Variants in PCNT observed in about 807,000 individuals in gnomAD.
PCNT encodes the protein kendrin.
A neutral mutation model predicts 380.4 loss-of-function variants in PCNT; 319 were observed. The observed-to-expected ratio is 0.84, with a 90% CI of 0.77 to 0.92. The LOEUF (loss-of-function observed/expected upper bound fraction) is 0.92. PCNT is among the 40% of genes least tolerant of loss of function. The pLI is 0.00. For synonymous variants in PCNT, 1,845 were observed against 1,735.2 expected (o/e 1.06, Z -1.57); for missense variants, 4,400 against 4,255.3 (o/e 1.03, Z -0.95).
At chr21:46,341,551 G>C (rs774573822) in intron 3 of PCNT, among the ~76,000 whole-genome samples, 20 of 151,646 alleles carry the variant, frequency 1.3e-4, no homozygotes, top group Non-Finnish European at 2.4e-4. Flanking sequence ...TTTTTTTGTA[G>C]AGATGGGATC....
At chr21:46,401,775 G>T in intron 26 of PCNT, 54 bp downstream of exon 26, 2 of 1,560,178 alleles carry the variant, frequency 1.3e-6, no homozygotes, top group South Asian at 2.2e-5. Context: ...TGTCCAGTGG[G>T]CTTCTCTGTG....
rs767028727 is a variant in PCNT, at chr21:46,412,818, C to T, written c.5995-19C>T. 1.2e-6 allele frequency: 2 copies of T among 1,608,942 alleles called. No individual in the cohort carries two copies. Among genetic ancestry groups the T allele is most frequent in the Non-Finnish European group, 8.5e-7 (1 of 1,179,836 alleles). On this transcript the variant is annotated intron_variant, in intron 28 of 46. Transcript: ENST00000359568. Reference sequence around the variant, plus strand: ...ACAGCCTCCTGCATGCTCAGCTTTCCTCTGTCTCCTCTGTCAAGGGTGATC... The same window carrying T: ...ACAGCCTCCTGCATGCTCAGCTTTCTTCTGTCTCCTCTGTCAAGGGTGATC...
intron 35 of PCNT, 101 bp from the exon 36 acceptor site, chr21:46,429,909 A>C: frequency 1.1e-6 from 1 of 881,668 alleles, no homozygotes; most frequent in Non-Finnish European, 1.8e-6. Flanking sequence ...TTCCCGAAGC[A>C]CATACACCTC....
At chr21:46,393,748 G>A (rs936440173) in intron 21 of PCNT, among the ~76,000 whole-genome samples, 1 of 152,206 alleles carries the variant, frequency 6.6e-6, no homozygotes, top group East Asian at 1.9e-4. Context: ...TCTGAGCACT[G>A]CAGGGCTTCT....
In PCNT at chr21:46,444,831, G is replaced by C. The variant is rs776101754; in HGVS notation, c.9967+10G>C. The stretch of plus-strand genomic sequence containing the variant: ...GGAGGGGTACTACCAGGTAATGCAA[G>C]TCCTCGCCGAGTATTTATTAAGCTG... On this transcript the variant is annotated intron_variant, in intron 46 of 46. Coordinates refer to ENST00000359568, the MANE Select transcript of PCNT (RefSeq NM_006031.6). The C allele has an allele frequency of 1.2e-6, 2 of 1,612,420 alleles. No individual in the cohort carries two copies.
chr21:46,325,041 C>G (rs957274085), intron 1 of PCNT: 56 of 985,418 alleles, frequency 5.7e-5, no homozygotes, highest in South Asian at 1.9e-4. Context: ...AAGGGACGCG[C>G]TCCCGTCTTT....
chr21:46,411,661 T>C lies in PCNT; in HGVS notation c.5588T>C (p.Leu1863Pro). The C allele has an allele frequency of 6.2e-7, 1 of 1,613,008 alleles. No homozygotes were observed. Among genetic ancestry groups the C allele is most frequent in the Non-Finnish European group, 8.5e-7 (1 of 1,179,882 alleles). ...CGGATCCAGGAGTTCGAAGCGGCCC[T>C]GAAAGCAAAGGAAGCGACGATTGCC... is the stretch of plus-strand genomic sequence containing the variant. ...ASRIQEFEAA[L>P]KAKEATIAER... Residue 1863 changes from leucine to proline, a missense_variant, in exon 28 of 47, where the codon CTG becomes CCG. Leu to Pro is a moderately conservative substitution (Grantham distance 98, BLOSUM62 -3). Transcript: ENST00000359568.
intron 27 of PCNT, among the ~76,000 whole-genome samples, chr21:46,410,163 C>T (rs769017860): frequency 2.6e-5 from 4 of 152,196 alleles, no homozygotes; most frequent in Non-Finnish European, 5.9e-5. Context: ...GAATGTGCAG[C>T]GGGCATTCCT....
Position 46,363,549 on chromosome 21 carries a change from A to C in PCNT, c.2224A>C (p.Lys742Gln). The C allele has an allele frequency of 6.2e-7, 1 of 1,614,056 alleles. No homozygotes were observed. Reference protein sequence around the residue: ...NNAKQKTELMKQEFQRKETDW... With the variant: ...NNAKQKTELMQQEFQRKETDW... ...TGCTAAGCAAAAGACTGAGCTGATG[A>C]AACAGGAATTCCAAAGAAAAGAAAC... The change falls in exon 14 of 47, where the codon AAA becomes CAA. Residue 742 changes from lysine (K) to glutamine (Q), a missense_variant. Transcript: ENST00000359568.
intron 3 of PCNT, among the ~76,000 whole-genome samples, chr21:46,335,551 G>C (rs1427993092): frequency 6.6e-6 from 1 of 151,436 alleles, no homozygotes; most frequent in Non-Finnish European, 1.5e-5. Context: ...AATTAGCTGG[G>C]TGCCACTGCA....
At chr21:46,376,772 G>A (rs1601886076) in intron 15 of PCNT, among the ~76,000 whole-genome samples, 1 of 152,172 alleles carries the variant, frequency 6.6e-6, no homozygotes, top group Admixed American at 6.5e-5. Flanking sequence ...CTGATGGTTG[G>A]GGTATCAGCA....
At chr21:46,391,422 G>A (rs1429467683) in intron 21 of PCNT, 46 bp downstream of exon 21, 1 of 1,458,518 alleles carries the variant, frequency 6.9e-7, no homozygotes, top group Non-Finnish European at 9.3e-7. Flanking sequence ...GTGGGGCGCG[G>A]ATACAGCTGC....
chr21:46,434,315 T>G (rs932583943), intron 38 of PCNT, among the ~76,000 whole-genome samples: 1 of 152,062 alleles, frequency 6.6e-6, no homozygotes, highest in Non-Finnish European at 1.5e-5. Flanking sequence ...GAGGGTAGAG[T>G]CTGAGCTGCA....
At chr21:46,441,540 TC>T (rs1408218291) in intron 43 of PCNT, among the ~76,000 whole-genome samples, 1 of 152,120 alleles carries the variant, frequency 6.6e-6, no homozygotes, top group Non-Finnish European at 1.5e-5. Context: ...AGTTCAGTCA[TC>T]GCGGCTGCAG....
At position 46,367,036 on chromosome 21, in the gene PCNT, G is replaced by A. The variant is rs554086430; in HGVS notation, c.3062G>A (p.Arg1021Gln). 8 of 1,614,116 alleles carry A rather than the reference G, an allele frequency of 5.0e-6. No individual in the cohort carries two copies. The highest frequency in any genetic ancestry group is 1.3e-5 in the African/African-American group (1 of 75,058). ...ILTQELEKLK[R>Q]KHEGELQSVR... ...ACTCAAGAGTTGGAGAAACTGAAGC[G>A]GAAACACGAAGGGGAGCTACAGTCT... Residue 1021 changes from arginine (R) to glutamine (Q), a missense_variant, in exon 15 of 47, where the codon CGG becomes CAG. Coordinates refer to ENST00000359568, the MANE Select transcript of PCNT (RefSeq NM_006031.6).
intron 9 of PCNT, 107 bp downstream of exon 9, chr21:46,351,647 G>C (rs2146628268): frequency 1.3e-6 from 1 of 783,662 alleles, no homozygotes; most frequent in East Asian, 2.5e-5. Flanking sequence ...ACACAAAAAA[G>C]TGGATTTACC....
chr21:46,437,395 C>G (rs1209676318), intron 40 of PCNT, among the ~76,000 whole-genome samples: 8 of 152,060 alleles, frequency 5.3e-5, no homozygotes, highest in Admixed American at 4.6e-4. Context: ...TGGTAGAGCC[C>G]CCTCACATGC....
rs745337201 is a variant in PCNT at position 46,381,767 on chromosome 21, C to A, written c.3239C>A (p.Ala1080Glu). Residue 1080 changes from alanine (A) to glutamate (E), a missense_variant, in exon 16 of 47, where the codon GCA (alanine) becomes GAA (glutamate). By Grantham distance (107) the Ala-to-Glu change is moderately radical. Coordinates refer to ENST00000359568, the MANE Select transcript of PCNT (RefSeq NM_006031.6). ...ACACTTCGGCTTCAGAGTGCACAGG[C>A]ACAGCCTTTTCACCAAGAGGAGAAA... is the stretch of plus-strand genomic sequence containing the variant. ...EETLRLQSAQ[A>E]QPFHQEEKES... The A allele has an allele frequency of 6.2e-7, 1 of 1,614,034 alleles. No individual in the cohort carries two copies. Among genetic ancestry groups the A allele is most frequent in the African/African-American group, 1.3e-5 (1 of 74,958 alleles).
rs376696104 is a variant in PCNT at position 46,436,103 on chromosome 21, C to G, written c.8951C>G (p.Ser2984Cys). The stretch of plus-strand genomic sequence containing the variant: ...GAGGCGATGAGGCAGCGGCTGCTCT[C>G]TGCCGCCCGGCTTCTCACCAGCTTC... The part of the protein sequence containing the change: ...ELEAMRQRLL[S>C]AARLLTSFTS... The change falls in exon 39 of 47, where the codon TCT becomes TGT. Residue 2984 changes from serine (S) to cysteine (C), a missense_variant. Transcript: ENST00000359568. 3.6e-5 allele frequency: 58 copies of G among 1,611,100 alleles called. No individual in the cohort carries two copies. The African/African-American group carries it at 7.1e-4, about 20-fold the overall frequency.
Sources: gnomAD v4.1 joint callset for allele counts (sites outside exome capture counted in the v4.1 genomes callset) on GRCh38, gnomAD v4.1.1 for gene constraint, MANE v1.5 for transcripts, NCBI Gene and HGNC (gene_info 2026-07-23, HGNC 2026-07-21) for gene names.